The following TLX1 variants were observed in gnomAD, a reference collection of about 807,000 sequenced individuals.
The protein encoded by TLX1 is T cell leukemia homeobox 1.
TLX1 carries 6 observed loss-of-function variants against 26.5 expected under a neutral mutation model. The observed-to-expected ratio is 0.23, with a 90% CI of 0.12 to 0.45. The LOEUF is 0.45. TLX1 is among the 20% of genes least tolerant of loss of function. The probability of loss-of-function intolerance (pLI) is 0.99; values close to 1 mark genes in which losing one functional copy is unlikely to be tolerated. For synonymous variants in TLX1, 217 were observed against 219.7 expected (o/e 0.99, Z 0.11); for missense variants, 418 against 482.6 (o/e 0.87, Z 1.25).
At chr10:101,134,527 T>A in intron 2 of TLX1, 151 bp downstream of exon 2, 1 of 920,754 alleles carries the variant, frequency 1.1e-6, no homozygotes, top group South Asian at 1.8e-5. Flanking sequence ...TGCGGGGAGC[T>A]GGAAGCAACC....
chr10:101,134,462 A>C (rs956832565), intron 2 of TLX1, 86 bp downstream of exon 2: 2 of 1,365,172 alleles, frequency 1.5e-6, no homozygotes, highest in African/African-American at 2.9e-5. Context: ...GGGCGCACAT[A>C]CTTTTTCCGC....
chr10:101,133,836 G>A (rs1940229977), intron 1 of TLX1, among the ~76,000 whole-genome samples: 1 of 152,318 alleles, frequency 6.6e-6, no homozygotes, highest in African/African-American at 2.4e-5. Context: ...ACTGAGGGGA[G>A]GGGAGCGTGA....
rs922186820 is a variant in TLX1, at chr10:101,136,525, G to A, written c.771-166G>A. The A allele has an allele frequency of 2.8e-6, 3 of 1,083,008 alleles. No individual in the cohort carries two copies. The African/African-American group carries it at 4.7e-5, about 17-fold the overall frequency. 67.1% of individuals were successfully genotyped at this position (1,083,008 alleles called of 1,614,324 possible). Reference sequence around the variant, plus strand: ...GGGTTTCCAGTCTTTGTTGGAGTCAGGACTCTCAAAAGAAGGGAACGCGTT... The same window carrying A: ...GGGTTTCCAGTCTTTGTTGGAGTCAAGACTCTCAAAAGAAGGGAACGCGTT... On this transcript the variant is annotated intron_variant, in intron 2 of 2. Coordinates refer to ENST00000370196, the MANE Select transcript of TLX1 (RefSeq NM_005521.4).
intron 2 of TLX1, among the ~76,000 whole-genome samples, chr10:101,134,898 G>T: frequency 6.6e-6 from 1 of 152,342 alleles, no homozygotes; most frequent in Middle Eastern, 3.4e-3. Flanking sequence ...TTGCGCAGCC[G>T]GTCCCTACCC....
Position 101,137,091 on chromosome 10 carries a change from A to C in TLX1, c.*178A>C, listed in dbSNP as rs1463024387. ...GACACTGTTCTCCCTTCGGTGGAAG[A>C]GCTCAAGGGACAAGGACACGCGCCC... On this transcript the variant is annotated 3_prime_UTR_variant, in exon 3 of 3. Transcript: ENST00000370196. 1 of 809,530 alleles carries C rather than the reference A, an allele frequency of 1.2e-6. No homozygotes were observed. Among genetic ancestry groups the C allele is most frequent in the Non-Finnish European group, 1.9e-6 (1 of 528,146 alleles). 50.1% of individuals were successfully genotyped at this position (809,530 alleles called of 1,614,324 possible).
chr10:101,137,373 G>C lies in TLX1; in HGVS notation c.*460G>C, dbSNP rs1940318790. The C allele has an allele frequency of 1.1e-5, 3 of 270,848 alleles. No individual in the cohort carries two copies. The East Asian group carries it at 1.6e-4, about 14-fold the overall frequency. 16.8% of individuals were successfully genotyped at this position (270,848 alleles called of 1,614,324 possible). On this transcript the variant is annotated 3_prime_UTR_variant, in exon 3 of 3. Transcript: ENST00000370196. Reference sequence around the variant, plus strand: ...CACTGTCCCTCCTGGTGTCACCCCAGAGCCACACATGGGCATCTATGGGAG... The same window carrying C: ...CACTGTCCCTCCTGGTGTCACCCCACAGCCACACATGGGCATCTATGGGAG...
chr10:101,136,938 C>A lies in TLX1; in HGVS notation c.*25C>A. 2 of 1,609,976 alleles carry A rather than the reference C, an allele frequency of 1.2e-6. No individual in the cohort carries two copies. Among genetic ancestry groups the A allele is most frequent in the Non-Finnish European group, 1.7e-6 (2 of 1,177,430 alleles). On this transcript the variant is annotated 3_prime_UTR_variant, in exon 3 of 3. Transcript: ENST00000370196. ...AGCCTGCCCATTCTGCCCTGTGGGA[C>A]CCCAGGCCCACTCAGGGGTCACTGA...
rs376106320 is a variant in TLX1, at chr10:101,132,112, G to A, written c.568+3G>A. On this transcript the variant is annotated splice_donor_region_variant and intron_variant, in intron 1 of 2. Coordinates refer to ENST00000370196, the MANE Select transcript of TLX1 (RefSeq NM_005521.4). This position sits in a 1 kb window ranked among gnomAD's most constrained non-coding sequence, Gnocchi z 4.1. ...ATACACAAAGGACAGGTTCACAGGTGAGTCCGGCCCGCGCGCTCCCCGCCT... is the reference window on the plus strand; with the variant it reads ...ATACACAAAGGACAGGTTCACAGGTAAGTCCGGCCCGCGCGCTCCCCGCCT... 1 of 1,364,968 alleles carries A rather than the reference G, an allele frequency of 7.3e-7. No individual in the cohort carries two copies. The highest frequency in any genetic ancestry group is 2.1e-5 in the South Asian group (1 of 48,650). The allele number at this position is 1,364,968 out of a possible 1,614,324, so 84.6% of individuals were successfully genotyped here. A position where few individuals can be genotyped will look rare whatever the true frequency, so the allele number is the denominator to read the frequency against.
chr10:101,132,363 G>A lies in TLX1; in HGVS notation c.568+254G>A, dbSNP rs906948113. Among the ~76,000 whole-genome samples, 19 of 152,214 alleles carry A rather than the reference G, an allele frequency of 1.2e-4. No homozygotes were observed. Among genetic ancestry groups the A allele is most frequent in the African/African-American group, 4.6e-4 (19 of 41,458 alleles). On this transcript the variant is annotated intron_variant, in intron 1 of 2. Transcript: ENST00000370196. The surrounding 1 kb of genome is among the most constrained non-coding windows in gnomAD (Gnocchi z 4.1). ...GGAGCTCTCCCTGGTCCCCTCTCCG[G>A]ATCCACTAGCCGGGTCAGGCAGAGA...
Position 101,132,586 on chromosome 10 carries a change from T to C in TLX1, c.568+477T>C, listed in dbSNP as rs561997663. ...CCTACACACATGCACTTCGCGCCCCTAGCTCCGGTGCCCGTGGTGCTGCGG... is the reference window on the plus strand; with the variant it reads ...CCTACACACATGCACTTCGCGCCCCCAGCTCCGGTGCCCGTGGTGCTGCGG... On this transcript the variant is annotated intron_variant, in intron 1 of 2. Transcript: ENST00000370196. The surrounding 1 kb of genome is among the most constrained non-coding windows in gnomAD (Gnocchi z 4.1). Among the ~76,000 whole-genome samples the C allele has an allele frequency of 1.3e-5, 2 of 151,312 alleles. No individual in the cohort carries two copies. The highest frequency in any genetic ancestry group is 3.9e-4 in the East Asian group (2 of 5,130).
At position 101,136,978 on chromosome 10, in the gene TLX1, G is replaced by A; in HGVS notation, c.*65G>A. On this transcript the variant is annotated 3_prime_UTR_variant, in exon 3 of 3. Coordinates refer to ENST00000370196, the MANE Select transcript of TLX1 (RefSeq NM_005521.4). ...GGGGTCACTGAGGCCTGAGACCCAG[G>A]ACTCCTCCCCACCCTCCTGGCCTCA... The A allele has an allele frequency of 6.3e-7, 1 of 1,582,646 alleles. No homozygotes were observed. The highest frequency in any genetic ancestry group is 1.1e-5 in the South Asian group (1 of 88,140).
In TLX1 at chr10:101,136,983, C is replaced by T. The variant is rs936749404; in HGVS notation, c.*70C>T. 8.3e-6 allele frequency: 13 copies of T among 1,560,034 alleles called. No homozygotes were observed. Among genetic ancestry groups the T allele is most frequent in the Non-Finnish European group, 1.1e-5 (13 of 1,147,232 alleles). On this transcript the variant is annotated 3_prime_UTR_variant, in exon 3 of 3. Coordinates refer to ENST00000370196, the MANE Select transcript of TLX1 (RefSeq NM_005521.4). ...CACTGAGGCCTGAGACCCAGGACTC[C>T]TCCCCACCCTCCTGGCCTCAGACTG...
chr10:101,131,868 C>T lies in TLX1; in HGVS notation c.327C>T (p.Gly109=). ...ACAACGTGAACATGGCCTTGGCAGG[C>T]GGCCCCGGTCCTGGCGGCGGCGGCG... The part of the protein sequence containing the change: ...GSYNVNMALA[G]GPGPGGGGGS... Residue 109 remains glycine (G), a synonymous_variant, in exon 1 of 3, where the codon GGC becomes GGT. Transcript: ENST00000370196. 3 of 1,404,924 alleles carry T rather than the reference C, an allele frequency of 2.1e-6. No homozygotes were observed. Among genetic ancestry groups the T allele is most frequent in the Non-Finnish European group, 2.8e-6 (3 of 1,086,520 alleles). 87.0% of individuals were successfully genotyped at this position (1,404,924 alleles called of 1,614,324 possible).
rs984253323 is a variant in TLX1, at chr10:101,132,808, C to T, written c.568+699C>T. ...TGTTATCTTGGGCACGAACAATGCA[C>T]CGGTAGGCTGGTGATCGGTGGCGGG... is the stretch of plus-strand genomic sequence containing the variant. On this transcript the variant is annotated intron_variant, in intron 1 of 2. Transcript: ENST00000370196. This position sits in a 1 kb window ranked among gnomAD's most constrained non-coding sequence, Gnocchi z 4.1. 1.3e-5 allele frequency: 2 copies of T among 152,338 alleles called. No individual in the cohort carries two copies. The highest frequency in any genetic ancestry group is 1.9e-4 in the East Asian group (1 of 5,202). The allele number at this position is 152,338 out of a possible 1,614,324, so 9.4% of individuals were successfully genotyped here. A position where few individuals can be genotyped will look rare whatever the true frequency, so the allele number is the denominator to read the frequency against.
intron 2 of TLX1, 103 bp from the exon 3 acceptor site, chr10:101,136,588 A>C (rs1042103902): frequency 6.3e-7 from 1 of 1,599,088 alleles, no homozygotes; most frequent in African/African-American, 1.3e-5. Flanking sequence ...TGCAAAGGCG[A>C]GCAGCGCTCG....
In TLX1 at chr10:101,136,706, G is replaced by A. The variant is rs1443730218; in HGVS notation, c.786G>A (p.Glu262=). Residue 262 remains glutamate, a synonymous_variant, in exon 3 of 3, where the codon GAG becomes GAA. Transcript: ENST00000370196. The part of the protein sequence containing the change: ...RRTKWRRQTA[E]EREAERQQAN... ...CCCGGTGCAGACGGCAGACTGCGGA[G>A]GAACGGGAGGCCGAGAGGCAGCAAG... 6.2e-7 allele frequency: 1 copy of A among 1,612,662 alleles called. No homozygotes were observed. Among genetic ancestry groups the A allele is most frequent in the African/African-American group, 1.3e-5 (1 of 74,940 alleles).
chr10:101,135,277 C>A (rs1182705600), intron 2 of TLX1: 1 of 152,872 alleles, frequency 6.5e-6, no homozygotes, highest in Non-Finnish European at 1.5e-5. Flanking sequence ...AGAGTCTGGG[C>A]GAAGTCGGCG....
At position 101,136,821 on chromosome 10, in the gene TLX1, T is replaced by C. The variant is rs993808038; in HGVS notation, c.901T>C (p.Ser301Pro). Residue 301 changes from serine to proline, a missense_variant, in exon 3 of 3, where the codon TCG (serine) becomes CCG (proline). By Grantham distance (74) the Ser-to-Pro change is moderately conservative. This residue lies in a region of TLX1 where 78 missense variants were observed against 92.2 expected (regional missense o/e 0.85). Coordinates refer to ENST00000370196, the MANE Select transcript of TLX1 (RefSeq NM_005521.4). ...CGCTGACCCTCTGTGCGTGCACAACTCGTCGCTCTTCGCCCTGCAGAATCT... is the reference window on the plus strand; with the variant it reads ...CGCTGACCCTCTGTGCGTGCACAACCCGTCGCTCTTCGCCCTGCAGAATCT... ...LPADPLCVHN[S>P]SLFALQNLQP... 6.2e-6 allele frequency: 10 copies of C among 1,613,682 alleles called. No homozygotes were observed. Among genetic ancestry groups the C allele is most frequent in the Non-Finnish European group, 8.5e-6 (10 of 1,180,030 alleles).
intron 1 of TLX1, among the ~76,000 whole-genome samples, chr10:101,133,879 G>T (rs1244583760): frequency 5.9e-5 from 9 of 152,200 alleles, no homozygotes; most frequent in African/African-American, 1.2e-4. Flanking sequence ...CCCTGGAGGA[G>T]AGGCGGCAGG....
Sources: allele counts gnomAD v4.1 joint callset (sites outside exome capture counted in the v4.1 genomes callset), GRCh38; gene constraint gnomAD v4.1.1; regional missense constraint gnomAD v4.1.1; non-coding constraint Gnocchi (gnomAD v3.1); transcripts MANE v1.5; gene names NCBI Gene and HGNC (gene_info 2026-07-23, HGNC 2026-07-21).